GPLD1: variants seen among roughly 807,000 people sequenced by gnomAD.
GPLD1 encodes glycosylphosphatidylinositol specific phospholipase D1.
In GPLD1, 84 loss-of-function variants were observed where a neutral mutation model predicts 112.6. The ratio of observed to expected loss-of-function variants is 0.75; its 90% CI spans 0.63 to 0.89. GPLD1 has a LOEUF of 0.89. GPLD1 is among the 40% of genes least tolerant of loss of function. The pLI is 0.00. For missense variants in GPLD1, 1,044 were observed against 1,051.5 expected (o/e 0.99, Z 0.10); for synonymous variants, 386 against 403.8 (o/e 0.96, Z 0.53).
At chr6:24,436,999 C>A (rs1260566898) in intron 21 of GPLD1, 114 bp downstream of exon 21, 3 of 958,868 alleles carry the variant, frequency 3.1e-6, no homozygotes. Flanking sequence ...TCTAAAGGTC[C>A]TTGGGCCACT....
intron 15 of GPLD1, among the ~76,000 whole-genome samples, chr6:24,448,538 A>T (rs1460643248): frequency 6.6e-6 from 1 of 152,194 alleles, no homozygotes; most frequent in African/African-American, 2.4e-5. Context: ...GAATTTTTTT[A>T]AAGTCTGTCA....
intron 20 of GPLD1, among the ~76,000 whole-genome samples, chr6:24,440,291 C>T (rs1018916718): frequency 1.3e-5 from 2 of 151,954 alleles, no homozygotes; most frequent in Non-Finnish European, 2.9e-5. Context: ...CCCATCACTA[C>T]AAAAAGTAGG....
chr6:24,466,963 G>A lies in GPLD1; in HGVS notation c.654-24C>T. 7 of 1,597,428 alleles carry A rather than the reference G, an allele frequency of 4.4e-6. 1 individual carries two copies. Among genetic ancestry groups the A allele is most frequent in the African/African-American group, 4.0e-5 (3 of 74,652 alleles). ...ACCTGCAAAATAAACAATAATTTTG[G>A]CTGTGAGTTGCAGTTTGTAACAGAG... On this transcript the variant is annotated intron_variant, in intron 8 of 24. Coordinates refer to ENST00000230036, the MANE Select transcript of GPLD1 (RefSeq NM_001503.4).
intron 20 of GPLD1, among the ~76,000 whole-genome samples, chr6:24,442,663 C>T (rs1762787150): frequency 6.6e-6 from 1 of 151,874 alleles, no homozygotes; most frequent in East Asian, 1.9e-4. Context: ...CCAGGATGGT[C>T]TCGATCACCT....
upstream of GPLD1, among the ~76,000 whole-genome samples, chr6:24,492,868 C>G (rs3761790): frequency 3.3e-5 from 5 of 152,110 alleles, no homozygotes; most frequent in Non-Finnish European, 5.9e-5. Flanking sequence ...CTTCCTGTCA[C>G]AAAAATAAGT....
chr6:24,476,151 ATATTT>A (rs1561853963), intron 4 of GPLD1, 25 bp downstream of exon 4: 1 of 1,225,618 alleles, frequency 8.2e-7, no homozygotes, highest in Admixed American at 2.0e-5. Context: ...TTGGTGCTAA[ATATTT>A]TAAGGATTGG....
At chr6:24,470,125 G>T (rs1763751153) in intron 7 of GPLD1, among the ~76,000 whole-genome samples, 1 of 148,516 alleles carries the variant, frequency 6.7e-6, no homozygotes, top group South Asian at 2.2e-4. Context: ...AACCTGGACG[G>T]TTTTTTTTTT....
At chr6:24,440,735 A>G (rs2127323833) in intron 20 of GPLD1, among the ~76,000 whole-genome samples, 1 of 151,934 alleles carries the variant, frequency 6.6e-6, no homozygotes, top group East Asian at 1.9e-4. Context: ...AAAAAAAAAA[A>G]AAAAGCATAA....
intron 2 of GPLD1, among the ~76,000 whole-genome samples, chr6:24,485,072 AC>A (rs1007869985): frequency 6.6e-6 from 1 of 152,240 alleles, no homozygotes; most frequent in African/African-American, 2.4e-5. Context: ...AGCTAGTCCT[AC>A]CAGGATATGG....
chr6:24,443,841 G>T (rs146208435), intron 20 of GPLD1, among the ~76,000 whole-genome samples: 6,381 of 151,852 alleles, frequency 0.042, 139 homozygotes, highest in Middle Eastern at 0.088. Context: ...TGGCTAATTT[G>T]TGTATTTTTA....
At chr6:24,487,590 ACT>A (rs1359649595) in intron 1 of GPLD1, among the ~76,000 whole-genome samples, 2 of 152,176 alleles carry the variant, frequency 1.3e-5, no homozygotes, top group African/African-American at 4.8e-5. Context: ...TCATCAGCTT[ACT>A]CTGTAGTTTT....
chr6:24,473,790 G>C (rs35864956), intron 5 of GPLD1, 123 bp from the exon 6 acceptor site: 204,329 of 568,698 alleles, frequency 0.36, 40,228 homozygotes, highest in Non-Finnish European at 0.42. Flanking sequence ...ACGCATAATA[G>C]ACTCAATTTT....
At chr6:24,454,467 T>C (rs1763201772) in intron 13 of GPLD1, among the ~76,000 whole-genome samples, 2 of 138,770 alleles carry the variant, frequency 1.4e-5, no homozygotes, top group South Asian at 4.5e-4. Context: ...ATGAAAAGTA[T>C]ACTCATGAAG....
intron 2 of GPLD1, among the ~76,000 whole-genome samples, chr6:24,481,707 T>G (rs572289834): frequency 1.3e-5 from 2 of 152,248 alleles, no homozygotes; most frequent in Admixed American, 6.5e-5. Flanking sequence ...GCTGCTGAGC[T>G]CTGACGCTGA....
intron 17 of GPLD1, 54 bp from the exon 18 acceptor site, chr6:24,447,033 G>A: frequency 1.3e-6 from 2 of 1,517,668 alleles, no homozygotes; most frequent in Non-Finnish European, 1.8e-6. Flanking sequence ...AGGACTACTG[G>A]GATGAAAAGA....
At chr6:24,480,873 G>A (rs116134688) in intron 2 of GPLD1, among the ~76,000 whole-genome samples, 2,434 of 152,212 alleles carry the variant, frequency 0.016, 30 homozygotes, top group South Asian at 0.037. Context: ...CGGAGCCCTC[G>A]GCTAACATGG....
intron 7 of GPLD1, among the ~76,000 whole-genome samples, chr6:24,468,024 A>G (rs1763675308): frequency 6.6e-6 from 1 of 152,128 alleles, no homozygotes; most frequent in Admixed American, 6.5e-5. Context: ...CTCCTGCCTC[A>G]GCCTCCCAAG....
At chr6:24,495,006 T>C in exon 1 of GPLD1, 8 of 1,319,266 alleles carry the variant, frequency 6.1e-6, no homozygotes, top group South Asian at 2.6e-5. Flanking sequence ...CATGGCGACC[T>C]GCATTTGGCT....
intron 7 of GPLD1, among the ~76,000 whole-genome samples, chr6:24,471,080 C>T (rs1007385464): frequency 1.3e-5 from 2 of 152,138 alleles, no homozygotes; most frequent in Non-Finnish European, 2.9e-5. Context: ...ATAAGATCTG[C>T]CCTAACAGAG....
Sources: gnomAD v4.1 joint callset for allele counts (sites outside exome capture counted in the v4.1 genomes callset) on GRCh38, gnomAD v4.1.1 for gene constraint, MANE v1.5 for transcripts, NCBI Gene and HGNC (gene_info 2026-07-23, HGNC 2026-07-21) for gene names.